VEPH1: variants seen among roughly 807,000 people sequenced by gnomAD.
VEPH1 encodes ventricular zone expressed PH domain containing 1, also known as ventricular zone-expressed PH domain-containing protein homolog 1.
Under a neutral mutation model 85.2 loss-of-function variants are expected in VEPH1, and 80 were observed. The observed-to-expected ratio is 0.94, with a 90% CI of 0.78 to 1.13. VEPH1 has a LOEUF of 1.13. Among genes scored for constraint, VEPH1 ranks in the 50% most tolerant of loss-of-function variants. The pLI, the probability that VEPH1 is intolerant of heterozygous loss-of-function variation, is 0.00. For synonymous variants in VEPH1, 297 were observed against 348.0 expected (o/e 0.85, Z 1.63); for missense variants, 955 against 980.5 (o/e 0.97, Z 0.35).
intron 11 of VEPH1, among the ~76,000 whole-genome samples, chr3:157,303,516 C>T (rs778692726): frequency 6.6e-6 from 1 of 152,128 alleles, no homozygotes; most frequent in Non-Finnish European, 1.5e-5. Context: ...GCCATTCTTT[C>T]TATATGGAAC....
chr3:157,315,564 AT>A (rs1280413715), intron 10 of VEPH1, among the ~76,000 whole-genome samples: 2 of 152,064 alleles, frequency 1.3e-5, no homozygotes, highest in Admixed American at 1.3e-4. Context: ...GGTTGTAATT[AT>A]TAATATCAAG....
chr3:157,468,351 A>G (rs550775184), intron 3 of VEPH1, among the ~76,000 whole-genome samples: 5 of 152,278 alleles, frequency 3.3e-5, no homozygotes, highest in South Asian at 4.1e-4. Flanking sequence ...AAAAATGGTG[A>G]ATCACAAGGT....
At chr3:157,325,400 A>G (rs922214150) in intron 9 of VEPH1, among the ~76,000 whole-genome samples, 3 of 152,180 alleles carry the variant, frequency 2.0e-5, no homozygotes, top group Non-Finnish European at 4.4e-5. Flanking sequence ...CATCTTTGCC[A>G]TGAAATCTTT....
intron 4 of VEPH1, chr3:157,442,934 A>T: frequency 6.2e-7 from 1 of 1,613,882 alleles, no homozygotes; most frequent in African/African-American, 1.3e-5. Flanking sequence ...TTGGGTGGGG[A>T]GTCACAGAGA....
rs200090995 is a variant in VEPH1, at chr3:157,363,373, T to C, written c.1726A>G (p.Thr576Ala). ...AGTACACAACACTTACCTTCAATGGTACACTGATCAGGGACTGGAATCTTC... is the reference window on the plus strand; with the variant it reads ...AGTACACAACACTTACCTTCAATGGCACACTGATCAGGGACTGGAATCTTC... ...GKKIPVPDQC[T>A]IEDTVRSCVA... Residue 576 changes from threonine to alanine, a missense_variant, in exon 9 of 14, where the codon ACC (threonine) becomes GCC (alanine). Coordinates refer to ENST00000362010, the MANE Select transcript of VEPH1 (RefSeq NM_001167912.2). The C allele has an allele frequency of 3.4e-5, 54 of 1,603,440 alleles. No homozygotes were observed. The Admixed American group carries it at 9.1e-4, about 27-fold the overall frequency.
intron 4 of VEPH1, among the ~76,000 whole-genome samples, chr3:157,436,083 C>G (rs1733551777): frequency 6.6e-6 from 1 of 152,078 alleles, no homozygotes; most frequent in African/African-American, 2.4e-5. Flanking sequence ...TCGAGACCAG[C>G]CTGGCTAACA....
intron 1 of VEPH1, among the ~76,000 whole-genome samples, chr3:157,500,770 A>C (rs1431368991): frequency 6.6e-6 from 1 of 152,030 alleles, no homozygotes; most frequent in Admixed American, 6.6e-5. Context: ...TGAATTGGAC[A>C]CTCTATGGAA....
chr3:157,316,999 A>G, intron 10 of VEPH1, 63 bp downstream of exon 10: 1 of 1,500,494 alleles, frequency 6.7e-7, no homozygotes, highest in Non-Finnish European at 8.9e-7. Context: ...TTCAATAAAA[A>G]TGATTATAAG....
intron 12 of VEPH1, among the ~76,000 whole-genome samples, chr3:157,271,154 T>C (rs1714501497): frequency 6.6e-6 from 1 of 152,080 alleles, no homozygotes; most frequent in Admixed American, 6.6e-5. Context: ...TTCAAGGCTT[T>C]CTAGGTGTAA....
chr3:157,445,622 A>G (rs1054269963), intron 4 of VEPH1, among the ~76,000 whole-genome samples: 1 of 150,686 alleles, frequency 6.6e-6, no homozygotes, highest in African/African-American at 2.5e-5. Context: ...TCTGTCTCAA[A>G]ATAAGTAAAT....
intron 2 of VEPH1, among the ~76,000 whole-genome samples, chr3:157,477,177 A>C (rs1737552180): frequency 6.7e-6 from 1 of 149,970 alleles, no homozygotes; most frequent in African/African-American, 2.4e-5. Context: ...TGCCCTCTGG[A>C]GGCTCTGAGG....
In VEPH1 at chr3:157,398,857, G is replaced by T. The variant is rs183693684; in HGVS notation, c.906+15024C>A. The stretch of plus-strand genomic sequence containing the variant: ...GTTTAGACCTGTTGCAGAGACTTCT[G>T]GTCTGGGCCCCACTCAAAACTAGAT... On this transcript the variant is annotated intron_variant, in intron 6 of 13. Coordinates refer to ENST00000362010, the MANE Select transcript of VEPH1 (RefSeq NM_001167912.2). Among the ~76,000 whole-genome samples, 3 of 152,074 alleles carry T rather than the reference G, an allele frequency of 2.0e-5. No individual in the cohort carries two copies. In the East Asian group the frequency reaches 5.8e-4, roughly 29 times the overall value.
chr3:157,437,631 CGAGCTGCAGAGGCTGCGGGAG>C, intron 4 of VEPH1: 1 of 1,555,454 alleles, frequency 6.4e-7, no homozygotes, highest in Non-Finnish European at 8.7e-7. Flanking sequence ...TCCTGCGGGG[CGAGCTGCAGAGGCTGCGGGAG>C]GAGCTGGGCC....
intron 6 of VEPH1, among the ~76,000 whole-genome samples, chr3:157,408,803 G>A (rs954848603): frequency 2.0e-5 from 3 of 152,112 alleles, no homozygotes; most frequent in Admixed American, 6.6e-5. Flanking sequence ...AGGTCTCAAC[G>A]TATGTCAGAG....
At chr3:157,402,072 G>T (rs1015453588) in intron 6 of VEPH1, among the ~76,000 whole-genome samples, 1 of 152,166 alleles carries the variant, frequency 6.6e-6, no homozygotes, top group Admixed American at 6.5e-5. Context: ...TTCAATAGAA[G>T]AACAGAAGAG....
intron 9 of VEPH1, among the ~76,000 whole-genome samples, chr3:157,355,436 C>G (rs1176410510): frequency 1.3e-5 from 2 of 152,204 alleles, no homozygotes; most frequent in African/African-American, 2.4e-5. Flanking sequence ...TAACAAATCC[C>G]TCAAGTTTGA....
At chr3:157,486,160 A>T (rs1738621341) in intron 2 of VEPH1, among the ~76,000 whole-genome samples, 1 of 152,178 alleles carries the variant, frequency 6.6e-6, no homozygotes, top group African/African-American at 2.4e-5. Flanking sequence ...ACATCCAATA[A>T]TTAGAGAATA....
At chr3:157,406,564 C>CA (rs1269023507) in intron 6 of VEPH1, among the ~76,000 whole-genome samples, 1 of 149,550 alleles carries the variant, frequency 6.7e-6, no homozygotes, top group Non-Finnish European at 1.5e-5. Flanking sequence ...ATGTAATGAA[C>CA]ACGCCCTGGT....
intron 2 of VEPH1, among the ~76,000 whole-genome samples, chr3:157,487,455 T>C (rs1440783357): frequency 2.6e-5 from 4 of 152,114 alleles, no homozygotes; most frequent in Admixed American, 6.6e-5. Flanking sequence ...AATACACAAA[T>C]TTATAGTGCC....
Sources: gnomAD v4.1 joint callset for allele counts (sites outside exome capture counted in the v4.1 genomes callset) on GRCh38, gnomAD v4.1.1 for gene constraint, MANE v1.5 for transcripts, NCBI Gene and HGNC (gene_info 2026-07-23, HGNC 2026-07-21) for gene names.